The following FBXW8 variants were observed in gnomAD, a reference collection of about 807,000 sequenced individuals.
The protein encoded by FBXW8 is F-box and WD repeat domain containing 8, also known as F-box/WD repeat-containing protein 8.
A neutral mutation model predicts 65.3 loss-of-function variants in FBXW8; 57 were observed. The observed-to-expected ratio is 0.87, with a 90% CI of 0.71 to 1.09. The LOEUF (loss-of-function observed/expected upper bound fraction) is 1.09, where lower values mean the gene tolerates loss of function less well. Among genes scored for constraint, FBXW8 ranks in the 50% least tolerant of loss-of-function variants. The probability of loss-of-function intolerance (pLI) is 0.00; values close to 1 mark genes in which losing one functional copy is unlikely to be tolerated. For synonymous variants in FBXW8, 308 were observed against 330.2 expected (o/e 0.93, Z 0.73); for missense variants, 777 against 814.8 (o/e 0.95, Z 0.57).
intron 4 of FBXW8, among the ~76,000 whole-genome samples, chr12:116,956,002 C>T (rs972594839): frequency 1.4e-4 from 22 of 152,266 alleles, no homozygotes; most frequent in Non-Finnish European, 2.6e-4. Context: ...TGGTGTTTTG[C>T]AATAAACTCT....
At chr12:116,912,377 A>G (rs533559028) in intron 1 of FBXW8, among the ~76,000 whole-genome samples, 29 of 151,488 alleles carry the variant, frequency 1.9e-4, no homozygotes, top group African/African-American at 6.8e-4. Flanking sequence ...TTTGGTAGAG[A>G]CAAGGTCTCC....
Position 117,027,335 on chromosome 12 carries a change from G to A in FBXW8, c.1542-59G>A, listed in dbSNP as rs75528229. 3,595 of 1,305,272 alleles carry A rather than the reference G, an allele frequency of 2.8e-3. 84 individuals carry two copies. The African/African-American group carries it at 0.045, about 16-fold the overall frequency. 80.9% of individuals were successfully genotyped at this position (1,305,272 alleles called of 1,614,324 possible). On this transcript the variant is annotated intron_variant, in intron 9 of 10. Transcript: ENST00000652555. ...TGCAGCTCTGAACTCCCAGGCCTGC[G>A]GCAGCAAGTGCAGGCCCAGTGGACG... is the stretch of plus-strand genomic sequence containing the variant.
intron 6 of FBXW8, chr12:116,986,992 C>T (rs1885739591): frequency 6.6e-6 from 1 of 152,252 alleles, no homozygotes; most frequent in African/African-American, 2.4e-5. Context: ...TTATTTTTCA[C>T]TTTGAGTGAA....
At chr12:116,975,173 G>A (rs1473584925) in intron 5 of FBXW8, among the ~76,000 whole-genome samples, 1 of 152,198 alleles carries the variant, frequency 6.6e-6, no homozygotes, top group Non-Finnish European at 1.5e-5. Flanking sequence ...GGCAAGCACC[G>A]TAATCATAAT....
intron 1 of FBXW8, among the ~76,000 whole-genome samples, chr12:116,920,793 A>G (rs1880838364): frequency 6.6e-6 from 1 of 152,210 alleles, no homozygotes; most frequent in Non-Finnish European, 1.5e-5. Context: ...CCCAAATTCT[A>G]TAGCCAATCC....
chr12:116,941,137 G>A (rs1882536334), intron 2 of FBXW8, among the ~76,000 whole-genome samples: 1 of 152,226 alleles, frequency 6.6e-6, no homozygotes, highest in African/African-American at 2.4e-5. Flanking sequence ...CATTCAGACT[G>A]CCTGTTGTTA....
intron 5 of FBXW8, among the ~76,000 whole-genome samples, chr12:116,982,663 T>G (rs1885396342): frequency 6.6e-6 from 1 of 150,560 alleles, no homozygotes; most frequent in Admixed American, 6.6e-5. Context: ...CTTCTCAGGA[T>G]AGCTCTGTGC....
chr12:117,019,233 A>C lies in FBXW8; in HGVS notation c.1368-4914A>C, dbSNP rs567557138. 3.9e-5 allele frequency among the ~76,000 whole-genome samples: 6 copies of C among 152,342 alleles called. No individual in the cohort carries two copies. The South Asian group carries it at 1.2e-3, about 32-fold the overall frequency. On this transcript the variant is annotated intron_variant, in intron 8 of 10. Coordinates refer to ENST00000652555, the MANE Select transcript of FBXW8 (RefSeq NM_153348.3). Reference sequence around the variant, plus strand: ...AACGGACCTATTATGTATCATCTATACATTATCATCTGTGTCCACTGGATG... The same window carrying C: ...AACGGACCTATTATGTATCATCTATCCATTATCATCTGTGTCCACTGGATG...
intron 7 of FBXW8, among the ~76,000 whole-genome samples, chr12:116,999,122 ATT>A (rs749535752): frequency 1.3e-3 from 194 of 152,342 alleles, no homozygotes; most frequent in Middle Eastern, 6.8e-3. Context: ...TCGATGTGTT[ATT>A]AATTTACAGG....
intron 8 of FBXW8, among the ~76,000 whole-genome samples, chr12:117,011,788 C>T (rs775417832): frequency 2.0e-5 from 3 of 152,064 alleles, no homozygotes; most frequent in Non-Finnish European, 2.9e-5. Context: ...ATATCTTCAG[C>T]CACAGTTAGG....
intron 1 of FBXW8, among the ~76,000 whole-genome samples, chr12:116,923,743 C>T (rs907590339): frequency 6.9e-6 from 1 of 145,834 alleles, no homozygotes; most frequent in Non-Finnish European, 1.5e-5. Context: ...TATTTTGAGA[C>T]GGAGTCTTGC....
intron 4 of FBXW8, among the ~76,000 whole-genome samples, chr12:116,959,611 G>T (rs890437587): frequency 1.3e-5 from 2 of 152,230 alleles, no homozygotes. Context: ...AAGAAAGGTT[G>T]TTTTTAGCTG....
chr12:116,913,142 G>A (rs941370475), intron 1 of FBXW8, among the ~76,000 whole-genome samples: 1 of 152,088 alleles, frequency 6.6e-6, no homozygotes, highest in Non-Finnish European at 1.5e-5. Context: ...CCATCACCAG[G>A]GAAGGGGCCC....
At chr12:117,011,471 T>C (rs1385904554) in intron 8 of FBXW8, among the ~76,000 whole-genome samples, 1 of 152,152 alleles carries the variant, frequency 6.6e-6, no homozygotes, top group African/African-American at 2.4e-5. Flanking sequence ...CCTCCTAAAA[T>C]GGCTGATGTT....
chr12:117,025,421 T>TAA (rs1471188485), intron 9 of FBXW8, among the ~76,000 whole-genome samples: 2 of 152,180 alleles, frequency 1.3e-5, no homozygotes, highest in East Asian at 3.8e-4. Context: ...CCACAGGAAC[T>TAA]AAGATTTGTT....
Position 117,029,946 on chromosome 12 carries a change from C to G in FBXW8, c.*1774C>G, listed in dbSNP as rs1468467680. ...TTAAAAAAAAAAAAGACAAAATATACAACTCTTGATAAAACATAAAGGTAC... is the reference window on the plus strand; with the variant it reads ...TTAAAAAAAAAAAAGACAAAATATAGAACTCTTGATAAAACATAAAGGTAC... On this transcript the variant is annotated 3_prime_UTR_variant, in exon 11 of 11. Coordinates refer to ENST00000652555, the MANE Select transcript of FBXW8 (RefSeq NM_153348.3). 6.6e-6 allele frequency: 1 copy of G among 151,636 alleles called. No homozygotes were observed. The highest frequency in any genetic ancestry group is 1.5e-5 in the Non-Finnish European group (1 of 67,936). 9.4% of individuals were successfully genotyped at this position (151,636 alleles called of 1,614,324 possible). A position where few individuals can be genotyped will look rare whatever the true frequency, so the allele number is the denominator to read the frequency against.
chr12:116,928,938 G>A (rs370815664), intron 2 of FBXW8, among the ~76,000 whole-genome samples: 1 of 151,928 alleles, frequency 6.6e-6, no homozygotes, highest in African/African-American at 2.4e-5. Context: ...AGCCTCCCGA[G>A]TAGCTGGGAC....
chr12:116,938,210 A>G (rs1214769417), intron 2 of FBXW8, among the ~76,000 whole-genome samples: 2 of 151,948 alleles, frequency 1.3e-5, no homozygotes, highest in Non-Finnish European at 1.5e-5. Context: ...TTAAAAGAAG[A>G]AAGAAAAGCA....
In FBXW8 at chr12:117,007,525, A is replaced by G. The variant is rs2173652; in HGVS notation, c.1240-2798A>G. Among the ~76,000 whole-genome samples the G allele has an allele frequency of 2.0e-5, 3 of 152,318 alleles. No homozygotes were observed. The East Asian group carries it at 5.8e-4, about 29-fold the overall frequency. ...ATTACTGTTCAAGTGCTTCTCTAAT[A>G]TATACCTGGTACTTAAAAGGAACCA... On this transcript the variant is annotated intron_variant, in intron 7 of 10. Coordinates refer to ENST00000652555, the MANE Select transcript of FBXW8 (RefSeq NM_153348.3).
Sources: gnomAD v4.1 joint callset for allele counts (sites outside exome capture counted in the v4.1 genomes callset) on GRCh38, gnomAD v4.1.1 for gene constraint, MANE v1.5 for transcripts, NCBI Gene and HGNC (gene_info 2026-07-23, HGNC 2026-07-21) for gene names.